STAT3: variants seen among roughly 807,000 people sequenced by gnomAD.
STAT3 encodes the protein DNA-binding protein APRF.
A neutral mutation model predicts 114.3 loss-of-function variants in STAT3; 7 were observed. The observed-to-expected ratio is 0.06, with a 90% confidence interval of 0.03 to 0.11. The LOEUF is 0.11. Among genes scored for constraint, STAT3 ranks in the 10% least tolerant of loss-of-function variants. STAT3 has a pLI of 1.00. For synonymous variants in STAT3, 331 were observed against 354.5 expected, an observed-to-expected ratio of 0.93 and a Z score of 0.74; for missense variants, 364 against 960.9, an observed-to-expected ratio of 0.38 and a Z score of 8.21.
At chr17:42,370,436 G>C (rs2084051590) in intron 1 of STAT3, among the ~76,000 whole-genome samples, 1 of 151,692 alleles carries the variant, frequency 6.6e-6, no homozygotes, top group Non-Finnish European at 1.5e-5. Context: ...AGCAGAGACG[G>C]GGTTTCACCA....
At chr17:42,361,970 T>C (rs2083534295) in intron 1 of STAT3, among the ~76,000 whole-genome samples, 1 of 152,192 alleles carries the variant, frequency 6.6e-6, no homozygotes, top group Admixed American at 6.5e-5. Context: ...ATTACAGAGC[T>C]ACATGTGATG....
rs1008624238 is a variant in STAT3 at position 42,339,376 on chromosome 17, C to G, written c.406G>C (p.Val136Leu). The G allele has an allele frequency of 1.1e-5, 17 of 1,614,022 alleles. No homozygotes were observed. Among genetic ancestry groups the G allele is most frequent in the Non-Finnish European group, 1.4e-5 (16 of 1,180,030 alleles). ...AGCATCTGCTGCTTCTCCGTCACCA[C>G]GGCTGCTGTGGGGTGGTTGGCCTGG... ...GGQANHPTAA[V>L]VTEKQQMLEQ... The change falls in exon 5 of 24, where the codon GTG becomes CTG. Residue 136 changes from valine (V) to leucine (L), a missense_variant. This residue lies in a region of STAT3 where 294 missense variants were observed against 745.1 expected (regional missense o/e 0.39). Transcript: ENST00000264657.
chr17:42,371,527 T>A (rs1046632878), intron 1 of STAT3, among the ~76,000 whole-genome samples: 10 of 147,286 alleles, frequency 6.8e-5, no homozygotes, highest in African/African-American at 2.5e-4. Flanking sequence ...AAAAAAAAAA[T>A]TAGCCAGGCG....
intron 1 of STAT3, among the ~76,000 whole-genome samples, chr17:42,360,059 CAAAAAAAAAA>C (rs71157617): frequency 4.2e-5 from 2 of 47,490 alleles, no homozygotes; most frequent in African/African-American, 1.6e-4. Flanking sequence ...GACTCCGTCT[CAAAAAAAAAA>C]AAAAAAAAAA....
intron 14 of STAT3, among the ~76,000 whole-genome samples, chr17:42,328,338 C>T (rs2081833054): frequency 6.6e-6 from 1 of 152,190 alleles, no homozygotes; most frequent in African/African-American, 2.4e-5. Flanking sequence ...TTTCCCATAT[C>T]ATTGCATACA....
At chr17:42,339,740 A>C (rs565230884) in intron 4 of STAT3, among the ~76,000 whole-genome samples, 1 of 152,232 alleles carries the variant, frequency 6.6e-6, no homozygotes, top group Non-Finnish European at 1.5e-5. Context: ...CGTGGTGTCC[A>C]GTATATTTCT....
intron 1 of STAT3, among the ~76,000 whole-genome samples, chr17:42,376,545 C>CA (rs766215172): frequency 0.18 from 12,254 of 68,772 alleles, 678 homozygotes; most frequent in Middle Eastern, 0.22. Context: ...GACTCCATCT[C>CA]AAAAAAAAAA....
At chr17:42,388,111 G>T in intron 1 of STAT3, 168 bp downstream of exon 1, 1 of 843,462 alleles carries the variant, frequency 1.2e-6, no homozygotes, top group Non-Finnish European at 1.6e-6. Flanking sequence ...GCCCGCTCCT[G>T]TCATCCCGAA....
At chr17:42,321,989 AT>A (rs1049911146) in intron 21 of STAT3, among the ~76,000 whole-genome samples, 1 of 151,826 alleles carries the variant, frequency 6.6e-6, no homozygotes, top group Non-Finnish European at 1.5e-5. Flanking sequence ...ACACCGGGTA[AT>A]TTTTTTGGAT....
intron 4 of STAT3, among the ~76,000 whole-genome samples, chr17:42,339,753 G>C (rs899469572): frequency 6.6e-6 from 1 of 151,934 alleles, no homozygotes; most frequent in African/African-American, 2.4e-5. Flanking sequence ...ATATTTCTGA[G>C]GGATAATAAA....
intron 14 of STAT3, among the ~76,000 whole-genome samples, chr17:42,326,711 T>A (rs1226742646): frequency 6.6e-6 from 1 of 152,016 alleles, no homozygotes; most frequent in Non-Finnish European, 1.5e-5. Context: ...TCCCAGCTAC[T>A]CAGGAGGCTG....
intron 22 of STAT3, 68 bp from the exon 23 acceptor site, chr17:42,316,969 AG>A (rs199808781): frequency 6.4e-7 from 1 of 1,569,106 alleles, no homozygotes; most frequent in South Asian, 1.2e-5. Context: ...AAAAAAAAAA[AG>A]AACAAAACAC....
At chr17:42,330,955 A>T (rs1000248074) in intron 11 of STAT3, among the ~76,000 whole-genome samples, 6 of 152,192 alleles carry the variant, frequency 3.9e-5, no homozygotes, top group African/African-American at 1.4e-4. Flanking sequence ...GAGCTGAAAA[A>T]TTCCTACTTC....
At chr17:42,322,521 T>A (rs750467469) in intron 20 of STAT3, 27 bp from the exon 21 acceptor site, 1 of 1,613,044 alleles carries the variant, frequency 6.2e-7, no homozygotes, top group South Asian at 1.1e-5. Flanking sequence ...GAAGGAAAGA[T>A]CATGGAACCT....
At chr17:42,316,396 C>T in intron 23 of STAT3, 1 of 370,136 alleles carries the variant, frequency 2.7e-6, no homozygotes, top group Non-Finnish European at 5.2e-6. Flanking sequence ...CCACCATGCC[C>T]AGCTAATTTT....
At chr17:42,379,956 C>T (rs1468664954) in intron 1 of STAT3, among the ~76,000 whole-genome samples, 1 of 152,094 alleles carries the variant, frequency 6.6e-6, no homozygotes, top group Admixed American at 6.6e-5. Flanking sequence ...TCATTAGTGG[C>T]TGCCATGAAT....
intron 1 of STAT3, among the ~76,000 whole-genome samples, chr17:42,377,147 G>A (rs1175358916): frequency 1.3e-5 from 2 of 152,182 alleles, no homozygotes; most frequent in Non-Finnish European, 2.9e-5. Context: ...CACAGCCAAC[G>A]CTAATTTGCC....
chr17:42,359,489 T>G (rs1161307003), intron 1 of STAT3, among the ~76,000 whole-genome samples: 1 of 152,034 alleles, frequency 6.6e-6, no homozygotes, highest in African/African-American at 2.4e-5. Context: ...CCATACGTAT[T>G]TCACCTAGGA....
At chr17:42,378,378 T>TG (rs540873800) in intron 1 of STAT3, among the ~76,000 whole-genome samples, 2 of 152,182 alleles carry the variant, frequency 1.3e-5, no homozygotes, top group Non-Finnish European at 2.9e-5. Context: ...CCAGAGTAGC[T>TG]GGGATTACAG....
Sources: gnomAD v4.1 joint callset for allele counts (sites outside exome capture counted in the v4.1 genomes callset) on GRCh38, gnomAD v4.1.1 for gene constraint, gnomAD v4.1.1 regional missense constraint, MANE v1.5 for transcripts, NCBI Gene and HGNC (gene_info 2026-07-23, HGNC 2026-07-21) for gene names.